The following MYBPC1 variants were observed in gnomAD, a reference collection of about 807,000 sequenced individuals.
MYBPC1 encodes myosin binding protein C1.
Under a neutral mutation model 147.1 loss-of-function variants are expected in MYBPC1, and 52 were observed. The ratio of observed to expected loss-of-function variants is 0.35; its 90% CI spans 0.28 to 0.45. MYBPC1 has a LOEUF of 0.45. MYBPC1 is among the 20% of genes least tolerant of loss of function. The pLI, the probability that MYBPC1 is intolerant of heterozygous loss-of-function variation, is 1.00. For synonymous variants in MYBPC1, 477 were observed against 475.9 expected (o/e 1.00, Z -0.03); for missense variants, 1,228 against 1,440.3 (o/e 0.85, Z 2.39).
intron 19 of MYBPC1, chr12:101,660,403 A>G (rs1443199202): frequency 5.9e-6 from 1 of 168,814 alleles, no homozygotes; most frequent in Non-Finnish European, 1.3e-5. Flanking sequence ...GTTCTGCGGA[A>G]GTTCACTTTG....
chr12:101,687,107 G>T (rs1010351633), downstream of MYBPC1, among the ~76,000 whole-genome samples: 1 of 151,588 alleles, frequency 6.6e-6, no homozygotes, highest in African/African-American at 2.4e-5. Context: ...AAGTTCTAGG[G>T]TACATGTGCG....
At chr12:101,638,659 C>T (rs1165167762) in intron 10 of MYBPC1, among the ~76,000 whole-genome samples, 1 of 152,034 alleles carries the variant, frequency 6.6e-6, no homozygotes, top group Non-Finnish European at 1.5e-5. Context: ...TATTAAGCAC[C>T]TTGCTCTGAT....
intron 18 of MYBPC1, among the ~76,000 whole-genome samples, chr12:101,653,755 G>A (rs1015072142): frequency 2.0e-5 from 3 of 152,180 alleles, no homozygotes; most frequent in African/African-American, 7.2e-5. Context: ...AGCCTGATGT[G>A]TTGGAGGAAC....
chr12:101,652,898 T>A, intron 17 of MYBPC1, 114 bp downstream of exon 17: 1 of 1,091,682 alleles, frequency 9.2e-7, no homozygotes, highest in South Asian at 1.3e-5. Context: ...AATACATCAA[T>A]TGGTATTAAT....
chr12:101,614,793 A>G, intron 2 of MYBPC1: 1 of 545,676 alleles, frequency 1.8e-6, no homozygotes, highest in Non-Finnish European at 3.3e-6. Flanking sequence ...AAATTATGTA[A>G]AAGTTATTAT....
chr12:101,639,103 T>C (rs1891535049), intron 10 of MYBPC1, among the ~76,000 whole-genome samples: 1 of 152,196 alleles, frequency 6.6e-6, no homozygotes, highest in Non-Finnish European at 1.5e-5. Flanking sequence ...TTACTTCAAA[T>C]AGACATTAGC....
At chr12:101,662,674 C>G in intron 21 of MYBPC1, 128 bp downstream of exon 21, 1 of 967,900 alleles carries the variant, frequency 1.0e-6, no homozygotes, top group Non-Finnish European at 1.6e-6. Flanking sequence ...GAGCTTGAAA[C>G]AGTTAGGTAC....
In MYBPC1 at chr12:101,646,848, G is replaced by A; in HGVS notation, c.1051G>A (p.Ala351Thr). Residue 351 changes from alanine to threonine, a missense_variant, in exon 13 of 32, where the codon GCC (alanine) becomes ACC (threonine). This residue lies in a region of MYBPC1 where 1,077 missense variants were observed against 1,314.2 expected (regional missense o/e 0.82). Coordinates refer to ENST00000361466, the MANE Select transcript of MYBPC1 (RefSeq NM_002465.4). ...AGATGATTCAGAGTATTATGTGACA[G>A]CCGGTGATGAGAAATGTTCCACTGA... ...MTDDSEYYVT[A>T]GDEKCSTELF... is the part of the protein sequence containing the mutation. 2 of 1,614,124 alleles carry A rather than the reference G, an allele frequency of 1.2e-6. No homozygotes were observed. Among genetic ancestry groups the A allele is most frequent in the Non-Finnish European group, 1.7e-6 (2 of 1,179,982 alleles).
At chr12:101,658,096 A>G (rs1223179343) in intron 18 of MYBPC1, among the ~76,000 whole-genome samples, 5 of 144,886 alleles carry the variant, frequency 3.5e-5, no homozygotes, top group Middle Eastern at 3.6e-3. Context: ...GCGCCAACAC[A>G]CTCCAGCCTG....
chr12:101,662,913 C>T lies in MYBPC1; in HGVS notation c.2221+367C>T, dbSNP rs191038784. Reference sequence around the variant, plus strand: ...CCCAGCTTAGTGTAAACAACTATCACTGAAACAAATTGAGATCGGTTCAAC... The same window carrying T: ...CCCAGCTTAGTGTAAACAACTATCATTGAAACAAATTGAGATCGGTTCAAC... On this transcript the variant is annotated intron_variant, in intron 21 of 31. Transcript: ENST00000361466. Among the ~76,000 whole-genome samples, 23 of 152,212 alleles carry T rather than the reference C, an allele frequency of 1.5e-4. No homozygotes were observed. The East Asian group carries it at 3.5e-3, about 23-fold the overall frequency.
At chr12:101,628,984 GA>G in intron 5 of MYBPC1, 1 of 233,818 alleles carries the variant, frequency 4.3e-6, no homozygotes, top group Non-Finnish European at 8.5e-6. Context: ...ACCCTTGTCA[GA>G]CAGTTTACCC....
intron 22 of MYBPC1, among the ~76,000 whole-genome samples, chr12:101,663,792 T>C (rs1215007133): frequency 6.6e-6 from 1 of 152,172 alleles, no homozygotes; most frequent in Non-Finnish European, 1.5e-5. Flanking sequence ...GACACTATAA[T>C]TGAACTAAGA....
intron 1 of MYBPC1, chr12:101,600,299 AC>A (rs915823739): frequency 6.6e-6 from 1 of 151,012 alleles, no homozygotes; most frequent in Non-Finnish European, 1.5e-5. Context: ...CAGCCTTGAA[AC>A]TTTTTTTTTT....
rs548615422 is a variant in MYBPC1, at chr12:101,601,740, A to G, written c.25+6645A>G. On this transcript the variant is annotated intron_variant, in intron 1 of 31. Coordinates refer to ENST00000361466, the MANE Select transcript of MYBPC1 (RefSeq NM_002465.4). The stretch of plus-strand genomic sequence containing the variant: ...GATTTTGTTCTATTCTTTTTTTTTG[A>G]TGTGTATTTAGCTATTTTGGTAAGT... 1.1e-3 allele frequency among the ~76,000 whole-genome samples: 168 copies of G among 146,600 alleles called. 2 individuals carry two copies. Among genetic ancestry groups the G allele is most frequent in the Admixed American group, 1.7e-3 (26 of 15,104 alleles).
intron 1 of MYBPC1, among the ~76,000 whole-genome samples, chr12:101,598,560 C>T (rs1878457108): frequency 6.6e-6 from 1 of 151,998 alleles, no homozygotes; most frequent in African/African-American, 2.4e-5. Context: ...TAACTGGATT[C>T]CTTTAATTTT....
chr12:101,677,432 T>G (rs764957404), intron 27 of MYBPC1, 38 bp downstream of exon 27: 73 of 1,611,650 alleles, frequency 4.5e-5, no homozygotes, highest in Non-Finnish European at 5.8e-5. Context: ...AAACCTTGGT[T>G]GACAGTGACC....
At chr12:101,634,100 C>T (rs1318194606) in intron 8 of MYBPC1, among the ~76,000 whole-genome samples, 1 of 152,072 alleles carries the variant, frequency 6.6e-6, no homozygotes, top group Non-Finnish European at 1.5e-5. Flanking sequence ...CGGGGTTTCA[C>T]CGTGTTAGCC....
chr12:101,603,483 TTGAG>T (rs1880933024), intron 1 of MYBPC1, among the ~76,000 whole-genome samples: 1 of 152,172 alleles, frequency 6.6e-6, no homozygotes, highest in Non-Finnish European at 1.5e-5. Flanking sequence ...GGGTGATTGA[TTGAG>T]TGTCACTGTG....
chr12:101,628,409 A>C (rs1889118907), intron 5 of MYBPC1, among the ~76,000 whole-genome samples: 1 of 152,222 alleles, frequency 6.6e-6, no homozygotes, highest in African/African-American at 2.4e-5. Flanking sequence ...AAAATATGTA[A>C]TCACATGACT....
Sources: allele counts gnomAD v4.1 joint callset (sites outside exome capture counted in the v4.1 genomes callset), GRCh38; gene constraint gnomAD v4.1.1; regional missense constraint gnomAD v4.1.1; transcripts MANE v1.5; gene names NCBI Gene and HGNC (gene_info 2026-07-23, HGNC 2026-07-21).